TCAIM: variants seen among roughly 807,000 people sequenced by gnomAD.
TCAIM encodes T-cell activation inhibitor, mitochondrial.
TCAIM carries 36 observed loss-of-function variants against 58.6 expected under a neutral mutation model. The ratio of observed to expected loss-of-function variants is 0.61; its 90% CI spans 0.47 to 0.81. The LOEUF is 0.81. Among genes scored for constraint, TCAIM ranks in the 30% least tolerant of loss-of-function variants. The pLI is 0.00. For synonymous variants in TCAIM, 172 were observed against 193.6 expected, an observed-to-expected ratio of 0.89 and a Z score of 0.93; for missense variants, 466 against 579.6, an observed-to-expected ratio of 0.80 and a Z score of 2.01.
chr3:44,389,100 G>T (rs573802695), intron 5 of TCAIM, among the ~76,000 whole-genome samples: 98 of 152,330 alleles, frequency 6.4e-4, no homozygotes, highest in Middle Eastern at 3.4e-3. Flanking sequence ...GACCAGCCTG[G>T]CCAATATGGT....
chr3:44,340,612 G>T (rs1183715237), intron 1 of TCAIM: 1 of 151,886 alleles, frequency 6.6e-6, no homozygotes, highest in East Asian at 2.0e-4. Context: ...TATTTTTAAA[G>T]AATTAAAGCT....
At position 44,408,810 on chromosome 3, in the gene TCAIM, C is replaced by T. The variant is rs1489379347; in HGVS notation, c.*1128C>T. ...TGGTTAAAGCCCCTCAGAGTCACCT[C>T]TCATTCATAGCAATAGAATTCAACC... On this transcript the variant is annotated 3_prime_UTR_variant, in exon 11 of 11. Coordinates refer to ENST00000342649, the MANE Select transcript of TCAIM (RefSeq NM_173826.4). The T allele has an allele frequency of 6.6e-6, 1 of 152,206 alleles. No individual in the cohort carries two copies. The highest frequency in any genetic ancestry group is 1.5e-5 in the Non-Finnish European group (1 of 68,028). 9.4% of individuals were successfully genotyped at this position (152,206 alleles called of 1,614,324 possible).
At chr3:44,361,553 C>T in intron 4 of TCAIM, 35 bp downstream of exon 4, 2 of 1,522,472 alleles carry the variant, frequency 1.3e-6, no homozygotes, top group Non-Finnish European at 1.8e-6. Flanking sequence ...CCCTTGCAAG[C>T]TTAATGTTAA....
chr3:44,373,645 C>T (rs989827093), intron 5 of TCAIM, among the ~76,000 whole-genome samples: 1 of 151,816 alleles, frequency 6.6e-6, no homozygotes, highest in Non-Finnish European at 1.5e-5. Context: ...CAGAGTGAGA[C>T]TCTGTCTGAA....
At chr3:44,350,240 T>C (rs1265010478) in intron 1 of TCAIM, among the ~76,000 whole-genome samples, 1 of 152,090 alleles carries the variant, frequency 6.6e-6, no homozygotes, top group Non-Finnish European at 1.5e-5. Flanking sequence ...CACAAGGTGC[T>C]CAGTGGGGGA....
At chr3:44,392,703 C>T in intron 5 of TCAIM, 152 bp from the exon 6 acceptor site, 1 of 647,402 alleles carries the variant, frequency 1.5e-6, no homozygotes, top group Middle Eastern at 4.6e-4. Context: ...ATATGTACCA[C>T]ATTTTCTTTA....
rs1441552300 is a variant in TCAIM, at chr3:44,354,742, T to C, written c.-41T>C. On this transcript the variant is annotated 5_prime_UTR_variant, in exon 2 of 11. Transcript: ENST00000342649. The stretch of plus-strand genomic sequence containing the variant: ...TGATATCTGCTTAACTTTTAAGCAA[T>C]TAATGGATGCCTCGAAGTTGACGTA... The C allele has an allele frequency of 6.3e-7, 1 of 1,598,268 alleles. No individual in the cohort carries two copies. Among genetic ancestry groups the C allele is most frequent in the Non-Finnish European group, 8.5e-7 (1 of 1,175,456 alleles).
At chr3:44,371,204 G>A (rs929946780) in intron 5 of TCAIM, among the ~76,000 whole-genome samples, 4 of 151,646 alleles carry the variant, frequency 2.6e-5, no homozygotes, top group African/African-American at 7.3e-5. Flanking sequence ...GAGCCACCGT[G>A]CCTGGCCCAT....
intron 3 of TCAIM, chr3:44,358,368 AT>A: frequency 1.5e-6 from 1 of 681,218 alleles, no homozygotes; most frequent in Non-Finnish European, 2.5e-6. Context: ...AAGACAGTCA[AT>A]ATATTTTAAC....
intron 10 of TCAIM, 133 bp from the exon 11 acceptor site, chr3:44,407,309 G>A (rs1702115394): frequency 9.0e-6 from 6 of 666,278 alleles, no homozygotes. Context: ...TGGCCTTTGT[G>A]GGTGGCATTT....
chr3:44,357,991 C>T (rs1701230193), intron 3 of TCAIM, 115 bp downstream of exon 3: 1 of 1,403,462 alleles, frequency 7.1e-7, no homozygotes, highest in African/African-American at 1.5e-5. Context: ...GTGATATAAT[C>T]AATGCTTTGA....
chr3:44,396,644 C>T, intron 7 of TCAIM, 99 bp from the exon 8 acceptor site: 2 of 1,443,010 alleles, frequency 1.4e-6, no homozygotes, highest in East Asian at 2.3e-5. Flanking sequence ...AGCCTTTAAG[C>T]TTCTACTGAA....
intron 2 of TCAIM, 65 bp from the exon 3 acceptor site, chr3:44,357,676 A>G: frequency 6.3e-7 from 1 of 1,591,406 alleles, no homozygotes; most frequent in African/African-American, 1.3e-5. Flanking sequence ...ATTGTCACTT[A>G]TACATTGAGG....
chr3:44,343,732 A>G (rs1700903883), intron 1 of TCAIM, among the ~76,000 whole-genome samples: 1 of 152,234 alleles, frequency 6.6e-6, no homozygotes. Flanking sequence ...CAAAATAAGC[A>G]GATAGAAAAC....
intron 5 of TCAIM, among the ~76,000 whole-genome samples, chr3:44,381,064 C>T (rs1240045660): frequency 1.3e-5 from 2 of 152,122 alleles, no homozygotes; most frequent in Non-Finnish European, 1.5e-5. Context: ...AGCAATACTT[C>T]TCAAACTTTT....
At chr3:44,386,970 A>G (rs191338837) in intron 5 of TCAIM, among the ~76,000 whole-genome samples, 2 of 152,374 alleles carry the variant, frequency 1.3e-5, no homozygotes, top group African/African-American at 2.4e-5. Context: ...TCCATGGCCC[A>G]GAGTGAAGAC....
chr3:44,364,410 T>C (rs11925769), intron 4 of TCAIM, among the ~76,000 whole-genome samples: 27,502 of 152,018 alleles, frequency 0.18, 2,737 homozygotes, highest in Middle Eastern at 0.29. Flanking sequence ...AATAGACAGT[T>C]CAAGAAATAA....
chr3:44,347,749 A>C (rs984805122), intron 1 of TCAIM, among the ~76,000 whole-genome samples: 1 of 152,206 alleles, frequency 6.6e-6, no homozygotes, highest in Non-Finnish European at 1.5e-5. Flanking sequence ...ATCCTTTTAA[A>C]GTATGCTGTG....
chr3:44,379,726 G>A (rs896939578), intron 5 of TCAIM, among the ~76,000 whole-genome samples: 4 of 152,100 alleles, frequency 2.6e-5, no homozygotes, highest in African/African-American at 9.7e-5. Context: ...TAACTAGAGC[G>A]GGGAGGGAGA....
Sources: allele counts gnomAD v4.1 joint callset (sites outside exome capture counted in the v4.1 genomes callset), GRCh38; gene constraint gnomAD v4.1.1; transcripts MANE v1.5; gene names NCBI Gene and HGNC (gene_info 2026-07-23, HGNC 2026-07-21).